The following CALD1 variants were observed in gnomAD, a reference collection of about 807,000 sequenced individuals.
The protein encoded by CALD1 is caldesmon.
In CALD1, 33 loss-of-function variants were observed where a neutral mutation model predicts 99.9. The observed-to-expected ratio is 0.33, with a 90% CI of 0.25 to 0.44. The LOEUF (loss-of-function observed/expected upper bound fraction) is 0.44. Ranked by LOEUF, CALD1 falls within the 20% of genes least tolerant of loss-of-function variation. The probability of loss-of-function intolerance (pLI) is 1.00; values close to 1 mark genes in which losing one functional copy is unlikely to be tolerated. For missense variants in CALD1, 861 were observed against 962.1 expected (o/e 0.89, Z 1.39); for synonymous variants, 310 against 325.0 (o/e 0.95, Z 0.50).
chr7:134,777,120 C>T (rs1796924567), upstream of CALD1, among the ~76,000 whole-genome samples: 1 of 151,986 alleles, frequency 6.6e-6, no homozygotes, highest in Non-Finnish European at 1.5e-5. Flanking sequence ...TAAAATTTCC[C>T]ATGGCAGAGA....
chr7:134,814,600 A>G (rs778180901), intron 1 of CALD1, among the ~76,000 whole-genome samples: 9 of 152,150 alleles, frequency 5.9e-5, no homozygotes, highest in Non-Finnish European at 8.8e-5. Context: ...TACTAAGAGC[A>G]CACAAAGCCC....
chr7:134,884,498 C>T (rs984299963), intron 3 of CALD1, among the ~76,000 whole-genome samples: 3 of 151,982 alleles, frequency 2.0e-5, no homozygotes, highest in Non-Finnish European at 4.4e-5. Flanking sequence ...AGATGGAGAG[C>T]ATTTATTCTA....
intron 1 of CALD1, among the ~76,000 whole-genome samples, chr7:134,810,291 G>A (rs988087443): frequency 2.0e-5 from 3 of 152,186 alleles, no homozygotes; most frequent in African/African-American, 2.4e-5. Flanking sequence ...ACTCTCAGCT[G>A]TCTTAATTAG....
intron 1 of CALD1, among the ~76,000 whole-genome samples, chr7:134,812,610 G>T (rs2131937328): frequency 1.3e-5 from 2 of 151,786 alleles, no homozygotes; most frequent in Middle Eastern, 3.4e-3. Context: ...TGAGCTCAAG[G>T]TTTTTGGTCT....
At chr7:134,715,356 G>A in the CALD1 span, among the ~76,000 whole-genome samples, 1 of 152,192 alleles carries the variant, frequency 6.6e-6, no homozygotes, top group African/African-American at 2.4e-5. Context: ...AACAGATCAT[G>A]TAGGTCTGCT....
intron 1 of CALD1, among the ~76,000 whole-genome samples, chr7:134,831,190 C>T (rs1305623180): frequency 1.3e-5 from 2 of 151,716 alleles, no homozygotes; most frequent in African/African-American, 4.8e-5. Flanking sequence ...GAGTGCATAA[C>T]ATCACATTTG....
the CALD1 span, among the ~76,000 whole-genome samples, chr7:134,738,494 G>C: frequency 6.6e-6 from 1 of 152,096 alleles, no homozygotes; most frequent in Non-Finnish European, 1.5e-5. Flanking sequence ...CACGTGTTGC[G>C]TGTGGAATAG....
chr7:134,900,694 C>T (rs1325603296), intron 3 of CALD1, among the ~76,000 whole-genome samples: 1 of 152,072 alleles, frequency 6.6e-6, no homozygotes, highest in Admixed American at 6.5e-5. Context: ...GCCTAAGTTT[C>T]TCCATCTGTT....
chr7:134,908,390 T>G (rs1252220431), intron 3 of CALD1, among the ~76,000 whole-genome samples: 1 of 152,230 alleles, frequency 6.6e-6, no homozygotes, highest in East Asian at 1.9e-4. Context: ...ATCATAGTGA[T>G]GAGTTGCTCA....
chr7:134,841,733 C>T (rs1340069130), intron 1 of CALD1, among the ~76,000 whole-genome samples: 1 of 152,182 alleles, frequency 6.6e-6, no homozygotes, highest in African/African-American at 2.4e-5. Context: ...CTGTGGGGAT[C>T]GTTTTTTGGT....
intron 3 of CALD1, chr7:134,891,674 G>A: frequency 3.1e-6 from 5 of 1,594,596 alleles, no homozygotes; most frequent in Non-Finnish European, 4.3e-6. Context: ...CGCTCTCCCA[G>A]TGAGTCCTCA....
intron 7 of CALD1, among the ~76,000 whole-genome samples, chr7:134,942,604 G>T (rs932963684): frequency 3.3e-5 from 5 of 152,196 alleles, no homozygotes; most frequent in South Asian, 2.1e-4. Context: ...GTTGATTCAG[G>T]TTGGTAAGTT....
At chr7:134,947,860 A>AT (rs1376856210) in intron 8 of CALD1, 91 bp downstream of exon 8, 20 of 1,457,932 alleles carry the variant, frequency 1.4e-5, no homozygotes, top group Non-Finnish European at 1.8e-5. Flanking sequence ...TCTCAAAAAT[A>AT]TTTTTTTAAG....
At chr7:134,945,613 T>C (rs1416577432) in intron 7 of CALD1, among the ~76,000 whole-genome samples, 1 of 152,206 alleles carries the variant, frequency 6.6e-6, no homozygotes, top group African/African-American at 2.4e-5. Context: ...TTCCCAGTTA[T>C]TGTGACTGTT....
chr7:134,817,429 A>C (rs1300989798), intron 1 of CALD1, among the ~76,000 whole-genome samples: 2 of 152,216 alleles, frequency 1.3e-5, no homozygotes, highest in Non-Finnish European at 2.9e-5. Context: ...CATCTTGCAT[A>C]ACTACAGTGC....
At chr7:134,842,739 T>A (rs1031690872) in intron 1 of CALD1, among the ~76,000 whole-genome samples, 16 of 152,172 alleles carry the variant, frequency 1.1e-4, no homozygotes, top group African/African-American at 3.9e-4. Context: ...ATATTAACCA[T>A]CTCCTGTAAA....
upstream of CALD1, among the ~76,000 whole-genome samples, chr7:134,742,005 T>C (rs2131533120): frequency 8.0e-6 from 1 of 124,308 alleles, no homozygotes; most frequent in African/African-American, 3.4e-5. Flanking sequence ...ACTAGCACTA[T>C]GAGGTATTGA....
At chr7:134,743,438 C>T (rs1393696937), upstream of CALD1, among the ~76,000 whole-genome samples, 1 of 152,164 alleles carries the variant, frequency 6.6e-6, no homozygotes, top group African/African-American at 2.4e-5. Context: ...TTTTTCAGCT[C>T]TTCACAATCC....
At chr7:134,725,727 A>G in the CALD1 span, among the ~76,000 whole-genome samples, 1 of 152,206 alleles carries the variant, frequency 6.6e-6, no homozygotes, top group African/African-American at 2.4e-5. Context: ...TGATGTGATT[A>G]CCTTAAGGAT....
Sources: gnomAD v4.1 joint callset for allele counts (sites outside exome capture counted in the v4.1 genomes callset) on GRCh38, gnomAD v4.1.1 for gene constraint, MANE v1.5 for transcripts, NCBI Gene and HGNC (gene_info 2026-07-23, HGNC 2026-07-21) for gene names.